SLIT3: variants seen among roughly 807,000 people sequenced by gnomAD.
SLIT3 encodes the protein slit guidance ligand 3.
SLIT3 carries 68 observed loss-of-function variants against 184.0 expected under a neutral mutation model. The observed-to-expected ratio is 0.37, with a 90% CI of 0.30 to 0.45. The LOEUF (loss-of-function observed/expected upper bound fraction) is 0.45, where lower values mean the gene tolerates loss of function less well. SLIT3 is among the 20% of genes least tolerant of loss of function. The pLI, the probability that SLIT3 is intolerant of heterozygous loss-of-function variation, is 1.00. For synonymous variants in SLIT3, 831 were observed against 828.6 expected, an observed-to-expected ratio of 1.00 and a Z score of -0.05; for missense variants, 1,707 against 2,026.0, an observed-to-expected ratio of 0.84 and a Z score of 3.02.
chr5:168,737,369 TCA>T (rs929545670), intron 20 of SLIT3, among the ~76,000 whole-genome samples: 1 of 152,146 alleles, frequency 6.6e-6, no homozygotes, highest in African/African-American at 2.4e-5. Flanking sequence ...CTTGCCACAC[TCA>T]CTCTCAGAGA....
chr5:168,915,221 G>A (rs914331933), intron 4 of SLIT3, among the ~76,000 whole-genome samples: 1 of 152,102 alleles, frequency 6.6e-6, no homozygotes, highest in Non-Finnish European at 1.5e-5. Flanking sequence ...ATATTTAAAC[G>A]AAGTGTGGAA....
At chr5:169,247,351 T>A (rs1378362090) in intron 2 of SLIT3, among the ~76,000 whole-genome samples, 3 of 152,162 alleles carry the variant, frequency 2.0e-5, no homozygotes, top group African/African-American at 7.2e-5. Context: ...CACTACTGAC[T>A]GGAGGTTTGC....
At chr5:168,914,542 A>G (rs1016575763) in intron 4 of SLIT3, among the ~76,000 whole-genome samples, 1 of 152,220 alleles carries the variant, frequency 6.6e-6, no homozygotes, top group Admixed American at 6.5e-5. Context: ...GTAACTGAGG[A>G]TGAGACCACT....
At chr5:168,789,891 G>T in intron 10 of SLIT3, 1 of 436,470 alleles carries the variant, frequency 2.3e-6, no homozygotes, top group Non-Finnish European at 4.1e-6. Flanking sequence ...CGGGACACGA[G>T]GCTGTGAACA....
chr5:168,758,953 T>C (rs1755046035), intron 16 of SLIT3, among the ~76,000 whole-genome samples: 1 of 152,232 alleles, frequency 6.6e-6, no homozygotes, highest in Non-Finnish European at 1.5e-5. Flanking sequence ...TCAATGTACT[T>C]GAACTTTGTT....
chr5:169,059,717 G>A (rs1404958905), intron 4 of SLIT3, among the ~76,000 whole-genome samples: 1 of 152,216 alleles, frequency 6.6e-6, no homozygotes, highest in Non-Finnish European at 1.5e-5. Context: ...GAAAAGGCCT[G>A]AGTCTACCAG....
Position 169,118,517 on chromosome 5 carries a change from C to T in SLIT3, c.413+74962G>A, listed in dbSNP as rs563673214. ...ATTTTGAGTTACTGGTTTTGTTCTG[C>T]TGCTCTTGAGGTCCTAGGCAGGACC... On this transcript the variant is annotated intron_variant, in intron 4 of 35. Coordinates refer to ENST00000519560, the MANE Select transcript of SLIT3 (RefSeq NM_003062.4). Among the ~76,000 whole-genome samples the T allele has an allele frequency of 5.9e-5, 9 of 152,320 alleles. No individual in the cohort carries two copies. The South Asian group carries it at 1.7e-3, about 28-fold the overall frequency.
chr5:168,930,978 C>T (rs1229277930), intron 4 of SLIT3, among the ~76,000 whole-genome samples: 1 of 152,196 alleles, frequency 6.6e-6, no homozygotes, highest in Non-Finnish European at 1.5e-5. Context: ...CCTGCAAAGC[C>T]TCCTGGAACG....
At chr5:168,688,438 C>G (rs543613943) in intron 29 of SLIT3, among the ~76,000 whole-genome samples, 1 of 152,172 alleles carries the variant, frequency 6.6e-6, no homozygotes, top group African/African-American at 2.4e-5. Flanking sequence ...TCCCTCTCCT[C>G]TTTAGGAATG....
chr5:169,000,748 C>T (rs879525365), intron 4 of SLIT3, among the ~76,000 whole-genome samples: 3 of 152,176 alleles, frequency 2.0e-5, no homozygotes, highest in Non-Finnish European at 2.9e-5. Flanking sequence ...ACACGGCTGA[C>T]AGTTATTAGA....
At chr5:169,087,785 C>T (rs557260721) in intron 4 of SLIT3, among the ~76,000 whole-genome samples, 1 of 152,338 alleles carries the variant, frequency 6.6e-6, no homozygotes, top group African/African-American at 2.4e-5. Context: ...CCAGTAGTGA[C>T]TGATGACATC....
At chr5:169,283,265 C>T (rs1047133378) in intron 1 of SLIT3, among the ~76,000 whole-genome samples, 10 of 152,180 alleles carry the variant, frequency 6.6e-5, no homozygotes, top group African/African-American at 2.4e-4. Context: ...AAAGGGAATT[C>T]TCTAGAAAGC....
chr5:169,233,259 G>A (rs181368481), intron 3 of SLIT3, among the ~76,000 whole-genome samples: 22 of 152,298 alleles, frequency 1.4e-4, no homozygotes, highest in Admixed American at 5.2e-4. Context: ...TCCAGACCTC[G>A]TGATCTGCCC....
chr5:168,748,533 C>T (rs1754583811), intron 19 of SLIT3, 99 bp from the exon 20 acceptor site: 1 of 1,200,484 alleles, frequency 8.3e-7, no homozygotes, highest in Non-Finnish European at 1.1e-6. Flanking sequence ...GACAAGTTGT[C>T]CCCTGTCCCC....
At chr5:169,054,124 G>A (rs1757907364) in intron 4 of SLIT3, among the ~76,000 whole-genome samples, 1 of 150,010 alleles carries the variant, frequency 6.7e-6, no homozygotes, top group Admixed American at 6.7e-5. Flanking sequence ...CTATGCAGAT[G>A]AAGTCAAATT....
At chr5:168,948,253 G>A (rs1277782972) in intron 4 of SLIT3, among the ~76,000 whole-genome samples, 2 of 152,166 alleles carry the variant, frequency 1.3e-5, no homozygotes, top group Admixed American at 1.3e-4. Context: ...GTGGGTGCTT[G>A]CCCACTATTA....
At chr5:169,097,489 A>G (rs180905128) in intron 4 of SLIT3, among the ~76,000 whole-genome samples, 12 of 152,342 alleles carry the variant, frequency 7.9e-5, no homozygotes, top group African/African-American at 2.9e-4. Context: ...GAGAGAAAAA[A>G]GAATCCCACT....
At chr5:169,029,196 T>C (rs1290914478) in intron 4 of SLIT3, among the ~76,000 whole-genome samples, 1 of 152,252 alleles carries the variant, frequency 6.6e-6, no homozygotes, top group Non-Finnish European at 1.5e-5. Context: ...TATGCATAGC[T>C]GACTTAGGAA....
intron 32 of SLIT3, among the ~76,000 whole-genome samples, chr5:168,680,340 G>A (rs1450697248): frequency 6.6e-6 from 1 of 152,266 alleles, no homozygotes; most frequent in African/African-American, 2.4e-5. Context: ...CCTGGGGCCT[G>A]GAATAGAATC....
Sources: gnomAD v4.1 joint callset for allele counts (sites outside exome capture counted in the v4.1 genomes callset) on GRCh38, gnomAD v4.1.1 for gene constraint, MANE v1.5 for transcripts, NCBI Gene and HGNC (gene_info 2026-07-23, HGNC 2026-07-21) for gene names.